Variants in SGCD observed in about 807,000 individuals in gnomAD.
SGCD encodes the protein delta-sarcoglycan.
A neutral mutation model predicts 36.6 loss-of-function variants in SGCD; 18 were observed. The observed-to-expected ratio is 0.49, with a 90% CI of 0.34 to 0.73. SGCD has a LOEUF of 0.73. Among genes scored for constraint, SGCD ranks in the 30% least tolerant of loss-of-function variants. The probability of loss-of-function intolerance (pLI) is 0.01; values close to 1 mark genes in which losing one functional copy is unlikely to be tolerated. For missense variants in SGCD, 387 were observed against 346.7 expected, an observed-to-expected ratio of 1.12 and a Z score of -0.92; for synonymous variants, 133 against 130.6, an observed-to-expected ratio of 1.02 and a Z score of -0.12.
the SGCD span, among the ~76,000 whole-genome samples, chr5:155,857,462 G>C: frequency 6.6e-6 from 1 of 152,184 alleles, no homozygotes; most frequent in African/African-American, 2.4e-5. Context: ...AATGAAAGGA[G>C]TATACTACTG....
intron 7 of SGCD, among the ~76,000 whole-genome samples, chr5:156,746,241 T>C (rs1342140444): frequency 6.6e-6 from 1 of 152,102 alleles, no homozygotes; most frequent in East Asian, 1.9e-4. Flanking sequence ...CTTTAATACC[T>C]GAGAGAAAAT....
chr5:156,523,393 G>A (rs1451982490), intron 4 of SGCD, among the ~76,000 whole-genome samples: 5 of 152,136 alleles, frequency 3.3e-5, no homozygotes, highest in African/African-American at 4.8e-5. Context: ...ATAATGCAAC[G>A]GAACTGAAGC....
At chr5:155,807,658 G>A in the SGCD span, among the ~76,000 whole-genome samples, 1 of 152,124 alleles carries the variant, frequency 6.6e-6, no homozygotes, top group East Asian at 1.9e-4. Context: ...AATATTTCCT[G>A]GTCATTTCAA....
intron 2 of SGCD, among the ~76,000 whole-genome samples, chr5:156,332,370 A>ATT (rs1489213906): frequency 2.0e-5 from 3 of 152,156 alleles, no homozygotes; most frequent in Non-Finnish European, 4.4e-5. Flanking sequence ...TCCCTATGTA[A>ATT]TTTCTTGGGC....
chr5:155,766,179 A>G, the SGCD span, among the ~76,000 whole-genome samples: 1 of 152,176 alleles, frequency 6.6e-6, no homozygotes, highest in Non-Finnish European at 1.5e-5. Context: ...GGGTGCATTA[A>G]AAACCTGCTA....
chr5:156,229,304 T>TATA (rs1554085627), intron 3 of SGCD, among the ~76,000 whole-genome samples: 1 of 7,498 alleles, frequency 1.3e-4, no homozygotes, highest in Non-Finnish European at 3.9e-4. Flanking sequence ...ATATATAAAA[T>TATA]TAGTTCTTCC....
At chr5:156,078,563 A>T (rs1223582353) in intron 1 of SGCD, among the ~76,000 whole-genome samples, 4 of 106,782 alleles carry the variant, frequency 3.7e-5, no homozygotes, top group African/African-American at 2.7e-4. Flanking sequence ...ATTTATATTT[A>T]TATATATATT....
intron 3 of SGCD, among the ~76,000 whole-genome samples, chr5:156,393,294 A>G (rs1410545183): frequency 1.3e-5 from 2 of 152,348 alleles, no homozygotes; most frequent in Admixed American, 1.3e-4. Context: ...TATAGACTAC[A>G]TTCATACAAG....
the SGCD span, among the ~76,000 whole-genome samples, chr5:155,743,393 A>G: frequency 6.6e-6 from 1 of 152,202 alleles, no homozygotes; most frequent in African/African-American, 2.4e-5. Context: ...TCCTCAGTCT[A>G]CAAGAATTTT....
At chr5:156,747,966 G>T (rs1050375657) in intron 7 of SGCD, among the ~76,000 whole-genome samples, 1 of 152,156 alleles carries the variant, frequency 6.6e-6, no homozygotes, top group Non-Finnish European at 1.5e-5. Flanking sequence ...CTACAAAATA[G>T]CCACAAACTG....
chr5:156,684,988 G>A (rs1358197166), intron 7 of SGCD, among the ~76,000 whole-genome samples: 2 of 152,064 alleles, frequency 1.3e-5, no homozygotes, highest in Non-Finnish European at 1.5e-5. Context: ...AAAAACAAAG[G>A]GTGAAAAAGA....
At chr5:156,738,147 A>G (rs1306511211) in intron 7 of SGCD, among the ~76,000 whole-genome samples, 1 of 152,242 alleles carries the variant, frequency 6.6e-6, no homozygotes, top group African/African-American at 2.4e-5. Flanking sequence ...GGAAGACTTG[A>G]AAAATCAGTA....
At chr5:156,576,390 T>C (rs1759957013) in intron 4 of SGCD, among the ~76,000 whole-genome samples, 1 of 152,188 alleles carries the variant, frequency 6.6e-6, no homozygotes, top group Admixed American at 6.5e-5. Context: ...AACATACATG[T>C]GCGTGTGTCT....
chr5:155,864,793 G>T, the SGCD span, among the ~76,000 whole-genome samples: 1 of 152,118 alleles, frequency 6.6e-6, no homozygotes, highest in Non-Finnish European at 1.5e-5. Flanking sequence ...AAATATATGA[G>T]CTGATCAGAT....
chr5:156,605,041 T>TTG (rs145050755), intron 6 of SGCD, among the ~76,000 whole-genome samples: 7,884 of 151,602 alleles, frequency 0.052, 673 homozygotes, highest in African/African-American at 0.18. Context: ...TTTTTTTCTC[T>TTG]TGTGTGTGTG....
At chr5:156,288,702 T>C (rs985277733) in intron 3 of SGCD, among the ~76,000 whole-genome samples, 1 of 152,138 alleles carries the variant, frequency 6.6e-6, no homozygotes, top group Non-Finnish European at 1.5e-5. Flanking sequence ...TAAATAAACA[T>C]GTCTTTAGTT....
At chr5:155,748,569 T>A in the SGCD span, among the ~76,000 whole-genome samples, 1 of 152,142 alleles carries the variant, frequency 6.6e-6, no homozygotes, top group Non-Finnish European at 1.5e-5. Context: ...GGTCAGAGTT[T>A]TGATTTACAT....
intron 1 of SGCD, among the ~76,000 whole-genome samples, chr5:155,988,830 A>G (rs550930010): frequency 1.3e-5 from 2 of 152,326 alleles, no homozygotes; most frequent in East Asian, 1.9e-4. Context: ...GAAACAATAC[A>G]TGTTTGACCA....
intron 7 of SGCD, among the ~76,000 whole-genome samples, chr5:156,684,816 G>T (rs1209827793): frequency 2.6e-5 from 4 of 152,150 alleles, no homozygotes; most frequent in Admixed American, 1.3e-4. Flanking sequence ...AAATAGGAAG[G>T]TTATGGGGGA....
Sources: allele counts gnomAD v4.1 joint callset (sites outside exome capture counted in the v4.1 genomes callset), GRCh38; gene constraint gnomAD v4.1.1; transcripts MANE v1.5; gene names NCBI Gene and HGNC (gene_info 2026-07-23, HGNC 2026-07-21).